MROH1: variants seen among roughly 807,000 people sequenced by gnomAD.
The protein encoded by MROH1 is maestro heat like repeat family member 1.
MROH1 carries 117 observed loss-of-function variants against 116.5 expected under a neutral mutation model. That is an observed-to-expected ratio of 1.00 (90% CI 0.86 to 1.17). MROH1 has a LOEUF of 1.17. MROH1 is among the 50% of genes most tolerant of loss of function. MROH1 has a pLI of 0.00. For missense variants in MROH1, 1,873 were observed against 1,338.5 expected (o/e 1.40, Z -6.23); for synonymous variants, 921 against 583.9 (o/e 1.58, Z -8.32).
intron 14 of MROH1, among the ~76,000 whole-genome samples, chr8:144,233,895 T>TCC (rs1479442261): frequency 1.3e-4 from 20 of 152,234 alleles, no homozygotes; most frequent in Non-Finnish European, 2.6e-4. Context: ...TCCCTTGAAT[T>TCC]CCCATGTGAA....
intron 10 of MROH1, among the ~76,000 whole-genome samples, chr8:144,195,153 C>T (rs1414749720): frequency 7.9e-6 from 1 of 126,668 alleles, no homozygotes; most frequent in Non-Finnish European, 1.6e-5. Context: ...TGTGATCACG[C>T]CAGTGCATTC....
intron 12 of MROH1, among the ~76,000 whole-genome samples, chr8:144,203,543 G>A (rs867648191): frequency 1.3e-5 from 2 of 151,500 alleles, no homozygotes; most frequent in South Asian, 2.1e-4. Flanking sequence ...GGAGAGGAGC[G>A]CCCGCTCTCT....
At position 144,261,292 on chromosome 8, in the gene MROH1, G is replaced by T; in HGVS notation, c.4783G>T (p.Val1595Leu). 1 of 738,964 alleles carries T rather than the reference G, an allele frequency of 1.4e-6. No homozygotes were observed. Among genetic ancestry groups the T allele is most frequent in the Non-Finnish European group, 2.5e-6 (1 of 406,526 alleles). 45.8% of individuals were successfully genotyped at this position (738,964 alleles called of 1,614,324 possible). A position where few individuals can be genotyped will look rare whatever the true frequency, so the allele number is the denominator to read the frequency against. The change falls in exon 43 of 44, where the codon GTG (valine) becomes TTG (leucine). Residue 1595 changes from valine to leucine, a missense_variant. Val to Leu is a conservative substitution (Grantham distance 32). Coordinates refer to ENST00000326134, the MANE Select transcript of MROH1 (RefSeq NM_032450.3). ...ATGCCCCCACTTCACAGGGTTCCTG[G>T]TGCTGCACTCGGAGCCCAGGCAGCA... Reference protein sequence around the residue: ...AAAPLFTGFLVLHSEPRQQPQ... With the variant: ...AAAPLFTGFLLLHSEPRQQPQ...
intron 1 of MROH1, among the ~76,000 whole-genome samples, chr8:144,157,112 C>T (rs1281680234): frequency 3.9e-5 from 6 of 152,240 alleles, no homozygotes; most frequent in African/African-American, 7.2e-5. Flanking sequence ...TGCGCCACCA[C>T]GTCCAGCTAA....
At chr8:144,231,304 G>A (rs989226354) in intron 14 of MROH1, among the ~76,000 whole-genome samples, 2 of 151,930 alleles carry the variant, frequency 1.3e-5, no homozygotes, top group African/African-American at 4.8e-5. Flanking sequence ...ATCATGGCCC[G>A]TTCTCAATGA....
intron 12 of MROH1, among the ~76,000 whole-genome samples, chr8:144,217,936 G>A (rs968765397): frequency 1.3e-5 from 2 of 151,352 alleles, no homozygotes; most frequent in East Asian, 1.9e-4. Context: ...GGGTGGCTGC[G>A]TTAGCAGCCC....
In MROH1 at chr8:144,190,863, C is replaced by T. The variant is rs199798635; in HGVS notation, c.642C>T (p.Asp214=). 1.2e-4 allele frequency: 186 copies of T among 1,613,808 alleles called. No homozygotes were observed. In the African/African-American group the frequency reaches 2.1e-3, roughly 18 times the overall value. The change falls in exon 8 of 44, where the codon GAC becomes GAT. Residue 214 remains aspartate, a synonymous_variant. Transcript: ENST00000326134. ...CCCCAGACCCCACGGTCAGGAAGGA[C>T]GCCTTTGCCACCGACATCTTCAGCG... ...DRAPDPTVRK[D]AFATDIFSAY...
intron 35 of MROH1, among the ~76,000 whole-genome samples, chr8:144,257,697 G>A (rs987042154): frequency 2.0e-5 from 3 of 152,224 alleles, no homozygotes; most frequent in Admixed American, 6.5e-5. Flanking sequence ...CCCACTCCAC[G>A]TCGCAGCACA....
At chr8:144,149,402 G>C (rs1048705019) in intron 1 of MROH1, among the ~76,000 whole-genome samples, 2 of 152,236 alleles carry the variant, frequency 1.3e-5, no homozygotes, top group African/African-American at 4.8e-5. Context: ...CCTGCACCTC[G>C]TCATTTCCCA....
At chr8:144,213,138 C>T in intron 12 of MROH1, 1 of 764,082 alleles carries the variant, frequency 1.3e-6, no homozygotes, top group South Asian at 1.3e-5. Context: ...ACGGCTGTTA[C>T]ATCCCGTGCT....
At chr8:144,216,606 G>A (rs1040695341) in intron 12 of MROH1, among the ~76,000 whole-genome samples, 1 of 152,002 alleles carries the variant, frequency 6.6e-6, no homozygotes, top group African/African-American at 2.4e-5. Context: ...CAGGTGTTCT[G>A]GTGGTCCCAC....
Position 144,259,407 on chromosome 8 carries a change from G to C in MROH1, c.4044+53G>C, listed in dbSNP as rs985424635. On this transcript the variant is annotated intron_variant, in intron 37 of 43. Coordinates refer to ENST00000326134, the MANE Select transcript of MROH1 (RefSeq NM_032450.3). ...GCACCAAGGTGGGGCTCCTGCTCAG[G>C]ACAGGCACGGGATGCCCTTTTCTTA... 4.2e-6 allele frequency: 3 copies of C among 713,340 alleles called. No homozygotes were observed. In the East Asian group the frequency reaches 8.0e-5, roughly 19 times the overall value. The allele number at this position is 713,340 out of a possible 1,614,324, so 44.2% of individuals were successfully genotyped here. A position where few individuals can be genotyped will look rare whatever the true frequency, so the allele number is the denominator to read the frequency against.
At chr8:144,155,049 C>G (rs1372402705) in intron 1 of MROH1, among the ~76,000 whole-genome samples, 1 of 152,114 alleles carries the variant, frequency 6.6e-6, no homozygotes, top group African/African-American at 2.4e-5. Flanking sequence ...AACTCCTGAC[C>G]TCGTGATCCA....
At position 144,254,944 on chromosome 8, in the gene MROH1, C is replaced by G. The variant is rs1383577313; in HGVS notation, c.3560C>G (p.Thr1187Ser). ...KESRAFLLGR[T>S]PDRVATLLPL... Reference sequence around the variant, plus strand: ...AGCCGGGCCTTCCTGCTGGGCCGCACCCCAGACCGCGTGGCCACGCTGCTG... The same window carrying G: ...AGCCGGGCCTTCCTGCTGGGCCGCAGCCCAGACCGCGTGGCCACGCTGCTG... The change falls in exon 34 of 44, where the codon ACC becomes AGC. Residue 1187 changes from threonine to serine, a missense_variant. Physicochemically the swap from Thr to Ser is moderately conservative, Grantham distance 58. Coordinates refer to ENST00000326134, the MANE Select transcript of MROH1 (RefSeq NM_032450.3). The G allele has an allele frequency of 3.9e-6, 3 of 773,884 alleles. No homozygotes were observed. The highest frequency in any genetic ancestry group is 7.2e-6 in the Non-Finnish European group (3 of 416,208). 47.9% of individuals were successfully genotyped at this position (773,884 alleles called of 1,614,324 possible). A position where few individuals can be genotyped will look rare whatever the true frequency, so the allele number is the denominator to read the frequency against.
intron 43 of MROH1, 80 bp from the exon 44 acceptor site, chr8:144,261,575 G>C (rs947767547): frequency 7.1e-6 from 5 of 700,416 alleles, no homozygotes; most frequent in African/African-American, 7.0e-5. Flanking sequence ...AGCAGAGGCT[G>C]TCAGGAGAGC....
At chr8:144,197,768 T>C (rs1275197175) in intron 10 of MROH1, among the ~76,000 whole-genome samples, 1 of 148,374 alleles carries the variant, frequency 6.7e-6, no homozygotes, top group Non-Finnish European at 1.5e-5. Context: ...TATTTGGTCT[T>C]TACAGTAGAA....
intron 34 of MROH1, among the ~76,000 whole-genome samples, 176 bp downstream of exon 34, chr8:144,255,154 C>A (rs1843483246): frequency 6.6e-6 from 1 of 152,208 alleles, no homozygotes; most frequent in Non-Finnish European, 1.5e-5. Flanking sequence ...TGTGGGCCCC[C>A]AGGGGAGGCC....
intron 1 of MROH1, among the ~76,000 whole-genome samples, chr8:144,158,102 C>G (rs1460569022): frequency 6.8e-6 from 1 of 146,412 alleles, no homozygotes; most frequent in South Asian, 2.2e-4. Flanking sequence ...AAGCAATTCT[C>G]CTGTCTCAGC....
chr8:144,179,366 G>A (rs1464122147), intron 4 of MROH1, 89 bp from the exon 5 acceptor site: 6 of 1,547,230 alleles, frequency 3.9e-6, no homozygotes, highest in South Asian at 2.4e-5. Flanking sequence ...AGATTTGTGC[G>A]GTTTCATCTT....
Sources: gnomAD v4.1 joint callset for allele counts (sites outside exome capture counted in the v4.1 genomes callset) on GRCh38, gnomAD v4.1.1 for gene constraint, MANE v1.5 for transcripts, NCBI Gene and HGNC (gene_info 2026-07-23, HGNC 2026-07-21) for gene names.